The following PEX1 variants were observed in gnomAD, a reference collection of about 807,000 sequenced individuals.
PEX1 encodes peroxisomal ATPase PEX1.
In PEX1, 97 loss-of-function variants were observed where a neutral mutation model predicts 152.5. The observed-to-expected ratio is 0.64, with a 90% CI of 0.54 to 0.75. The LOEUF is 0.75. Among genes scored for constraint, PEX1 ranks in the 30% least tolerant of loss-of-function variants. The pLI, the probability that PEX1 is intolerant of heterozygous loss-of-function variation, is 0.00. For synonymous variants in PEX1, 485 were observed against 531.6 expected (o/e 0.91, Z 1.21); for missense variants, 1,357 against 1,516.3 (o/e 0.89, Z 1.74).
rs886043722 is a variant in PEX1 at position 92,489,752 on chromosome 7, T to A, written c.3598A>T (p.Ile1200Phe). 2 of 1,614,172 alleles carry A rather than the reference T, an allele frequency of 1.2e-6. No individual in the cohort carries two copies. Among genetic ancestry groups the A allele is most frequent in the Non-Finnish European group, 1.7e-6 (2 of 1,180,000 alleles). Residue 1200 changes from isoleucine to phenylalanine, a missense_variant, in exon 22 of 24, where the codon ATC (isoleucine) becomes TTC (phenylalanine). Coordinates refer to ENST00000248633, the MANE Select transcript of PEX1 (RefSeq NM_000466.3). ...QEQRDQLRADISIIKGRYRSQ... is the reference protein window; with the variant it reads ...QEQRDQLRADFSIIKGRYRSQ... Reference sequence around the variant, plus strand: ...CGGTATCTGCCTTTGATAATACTGATATCTGCCCTCAGTTGATCTCTTTGT... The same window carrying A: ...CGGTATCTGCCTTTGATAATACTGAAATCTGCCCTCAGTTGATCTCTTTGT...
At chr7:92,521,272 T>C (rs1170496063) in intron 2 of PEX1, among the ~76,000 whole-genome samples, 1 of 152,148 alleles carries the variant, frequency 6.6e-6, no homozygotes, top group African/African-American at 2.4e-5. Context: ...AGCCTCACAT[T>C]ATTCTTACAG....
intron 16 of PEX1, among the ~76,000 whole-genome samples, chr7:92,499,018 G>C (rs926732230): frequency 6.6e-6 from 1 of 152,140 alleles, no homozygotes; most frequent in African/African-American, 2.4e-5. Context: ...TTAATAGATG[G>C]ATCGCTGCTC....
chr7:92,509,242 C>T, intron 9 of PEX1, 87 bp downstream of exon 9: 1 of 852,206 alleles, frequency 1.2e-6, no homozygotes, highest in Non-Finnish European at 2.0e-6. Context: ...TTGACATTAA[C>T]ATCTACTTTA....
chr7:92,526,518 C>A, intron 1 of PEX1, among the ~76,000 whole-genome samples: 1 of 152,142 alleles, frequency 6.6e-6, no homozygotes. Context: ...GGAATCTATC[C>A]TAGACAACCA....
At chr7:92,519,962 C>A (rs1204024506) in intron 2 of PEX1, among the ~76,000 whole-genome samples, 1 of 151,946 alleles carries the variant, frequency 6.6e-6, no homozygotes, top group East Asian at 1.9e-4. Context: ...AGTGCCTCAC[C>A]CCCAGACTCC....
In PEX1 at chr7:92,510,950, T is replaced by C; in HGVS notation, c.1581A>G (p.Thr527=). 2 of 1,443,082 alleles carry C rather than the reference T, an allele frequency of 1.4e-6. No individual in the cohort carries two copies. The highest frequency in any genetic ancestry group is 2.0e-6 in the Non-Finnish European group (2 of 1,025,372). 89.4% of individuals were successfully genotyped at this position (1,443,082 alleles called of 1,614,324 possible). ...LLSPNLLQKT[T]IQVLLDPMVK... is the part of the protein sequence containing the mutation. ...TTCAATAACATGCTATTACTTGTATTGTAGTCTTCTGCAGCAAATTGGGAC... is the reference window on the plus strand; with the variant it reads ...TTCAATAACATGCTATTACTTGTATCGTAGTCTTCTGCAGCAAATTGGGAC... The change falls in exon 8 of 24, where the codon ACA becomes ACG. Residue 527 remains threonine (T), a synonymous_variant. Coordinates refer to ENST00000248633, the MANE Select transcript of PEX1 (RefSeq NM_000466.3).
intron 12 of PEX1, 103 bp downstream of exon 12, chr7:92,504,624 TTAACA>T (rs537675243): frequency 2.4e-4 from 277 of 1,160,388 alleles, no homozygotes; most frequent in Non-Finnish European, 3.4e-4. Context: ...AACACAACAC[TTAACA>T]TAACACATAT....
chr7:92,510,933 C>T lies in PEX1; in HGVS notation c.1587+11G>A, dbSNP rs1792431360. 2 of 1,237,178 alleles carry T rather than the reference C, an allele frequency of 1.6e-6. No homozygotes were observed. Among genetic ancestry groups the T allele is most frequent in the Admixed American group, 1.7e-5 (1 of 58,630 alleles). 76.6% of individuals were successfully genotyped at this position (1,237,178 alleles called of 1,614,324 possible). A position where few individuals can be genotyped will look rare whatever the true frequency, so the allele number is the denominator to read the frequency against. On this transcript the variant is annotated intron_variant, in intron 8 of 23. Transcript: ENST00000248633. The stretch of plus-strand genomic sequence containing the variant: ...TAGTATTTTATTAAATATTCAATAA[C>T]ATGCTATTACTTGTATTGTAGTCTT...
chr7:92,528,483 A>T lies in PEX1; in HGVS notation c.-48T>A. On this transcript the variant is annotated 5_prime_UTR_variant, in exon 1 of 24. Transcript: ENST00000248633. Reference sequence around the variant, plus strand: ...TTCGCCCACCCTAGCGCCGCAAAGGACCCGGGACCCGGCAGGCCGAGGACG... The same window carrying T: ...TTCGCCCACCCTAGCGCCGCAAAGGTCCCGGGACCCGGCAGGCCGAGGACG... 2.0e-6 allele frequency: 3 copies of T among 1,516,936 alleles called. No homozygotes were observed. Among genetic ancestry groups the T allele is most frequent in the Non-Finnish European group, 2.6e-6 (3 of 1,132,446 alleles). 94.0% of individuals were successfully genotyped at this position (1,516,936 alleles called of 1,614,324 possible). A position where few individuals can be genotyped will look rare whatever the true frequency, so the allele number is the denominator to read the frequency against.
chr7:92,503,554 G>C (rs1347215587), intron 12 of PEX1, among the ~76,000 whole-genome samples: 1 of 152,142 alleles, frequency 6.6e-6, no homozygotes, highest in African/African-American at 2.4e-5. Context: ...TGTATTGTTT[G>C]TTAAACAAAA....
intron 15 of PEX1, 94 bp from the exon 16 acceptor site, chr7:92,499,932 C>A: frequency 1.0e-6 from 1 of 965,548 alleles, no homozygotes; most frequent in South Asian, 1.4e-5. Context: ...AAAAAAAATT[C>A]AGATGGTAAT....
intron 3 of PEX1, 92 bp from the exon 4 acceptor site, chr7:92,518,347 A>C (rs1792901665): frequency 1.2e-6 from 1 of 804,678 alleles, no homozygotes; most frequent in Admixed American, 1.9e-5. Context: ...TTTAAAAAAC[A>C]AATTTTAATG....
Position 92,494,612 on chromosome 7 carries a change from G to A in PEX1, c.2801C>T (p.Pro934Leu). The change falls in exon 18 of 24, where the codon CCC becomes CTC. Residue 934 changes from proline (P) to leucine (L), a missense_variant. By Grantham distance (98) the Pro-to-Leu change is moderately conservative. Transcript: ENST00000248633. ...DIFIRAQAAK[P>L]CILFFDEFES... ...AAATTCATCAAAGAAAAGAATGCAG[G>A]GCTTTGCAGCCTGTGCTCTGGGAAA... The A allele has an allele frequency of 6.2e-7, 1 of 1,613,922 alleles. No individual in the cohort carries two copies. Among genetic ancestry groups the A allele is most frequent in the Non-Finnish European group, 8.5e-7 (1 of 1,179,928 alleles).
chr7:92,491,104 AG>A, intron 21 of PEX1, 167 bp downstream of exon 21: 2 of 591,880 alleles, frequency 3.4e-6, no homozygotes, highest in Admixed American at 5.6e-5. Context: ...AATCTTAACA[AG>A]GAATGCAAAT....
intron 21 of PEX1, among the ~76,000 whole-genome samples, chr7:92,490,893 T>C (rs1417371335): frequency 2.6e-5 from 4 of 152,214 alleles, no homozygotes; most frequent in South Asian, 4.1e-4. Flanking sequence ...GATAACACTT[T>C]GTTTTCAGGA....
chr7:92,525,212 A>G (rs1585264445), intron 1 of PEX1, among the ~76,000 whole-genome samples: 1 of 152,224 alleles, frequency 6.6e-6, no homozygotes, highest in African/African-American at 2.4e-5. Flanking sequence ...GACAGCTAGA[A>G]AGGAGCGTCT....
intron 5 of PEX1, among the ~76,000 whole-genome samples, chr7:92,514,312 A>T (rs1349160502): frequency 1.3e-5 from 2 of 152,192 alleles, no homozygotes; most frequent in South Asian, 2.1e-4. Context: ...TTTGAGGAGG[A>T]CAAAACATTC....
chr7:92,492,394 T>G (rs1442003210), intron 20 of PEX1, among the ~76,000 whole-genome samples: 2 of 152,218 alleles, frequency 1.3e-5, no homozygotes, highest in African/African-American at 4.8e-5. Flanking sequence ...GGTCTCAAAC[T>G]AGGCCCAAAT....
In PEX1 at chr7:92,528,349, G is replaced by A. The variant is rs1348692744; in HGVS notation, c.87C>T (p.Leu29=). 1 of 1,578,224 alleles carries A rather than the reference G, an allele frequency of 6.3e-7. No individual in the cohort carries two copies. Among genetic ancestry groups the A allele is most frequent in the South Asian group, 1.2e-5 (1 of 86,688 alleles). ...VAFTNARDCF[L]HLPRRLVAQL... The stretch of plus-strand genomic sequence containing the variant: ...GGGCCACGAGACGCCGCGGCAGGTG[G>A]AGGAAGCAGTCGCGAGCGTTGGTGA... The change falls in exon 1 of 24, where the codon CTC becomes CTT. Residue 29 remains leucine, a synonymous_variant. Transcript: ENST00000248633.
Sources: allele counts gnomAD v4.1 joint callset (sites outside exome capture counted in the v4.1 genomes callset), GRCh38; gene constraint gnomAD v4.1.1; transcripts MANE v1.5; gene names NCBI Gene and HGNC (gene_info 2026-07-23, HGNC 2026-07-21).